Variants in LEO1 observed in about 807,000 individuals in gnomAD.
LEO1 encodes the protein RNA polymerase-associated protein LEO1.
A neutral mutation model predicts 80.4 loss-of-function variants in LEO1; 34 were observed. The observed-to-expected ratio is 0.42, with a 90% CI of 0.32 to 0.56. LEO1 has a LOEUF of 0.56. Among genes scored for constraint, LEO1 ranks in the 20% least tolerant of loss-of-function variants. The pLI is 0.10. For synonymous variants in LEO1, 262 were observed against 274.9 expected, an observed-to-expected ratio of 0.95 and a Z score of 0.46; for missense variants, 631 against 814.2, an observed-to-expected ratio of 0.77 and a Z score of 2.74.
At chr15:51,940,833 C>T (rs1404931999) in intron 11 of LEO1, among the ~76,000 whole-genome samples, 1 of 151,846 alleles carries the variant, frequency 6.6e-6, no homozygotes, top group Non-Finnish European at 1.5e-5. Context: ...TGTGGTGGCT[C>T]GTGCCTATAA....
At chr15:51,956,666 GC>G (rs915101748) in intron 6 of LEO1, among the ~76,000 whole-genome samples, 76 of 152,162 alleles carry the variant, frequency 5.0e-4, no homozygotes, top group African/African-American at 1.8e-3. Flanking sequence ...ACTACACCAT[GC>G]TTTAAGACTG....
At chr15:51,964,543 G>A (rs1395031531) in intron 2 of LEO1, among the ~76,000 whole-genome samples, 1 of 118,754 alleles carries the variant, frequency 8.4e-6, no homozygotes, top group African/African-American at 3.2e-5. Flanking sequence ...AGAACTTAAA[G>A]TGTTAAAAAA....
chr15:51,949,905 G>A lies in LEO1; in HGVS notation c.1701C>T (p.Ala567=), dbSNP rs1438893603. The A allele has an allele frequency of 6.2e-7, 1 of 1,613,934 alleles. No individual in the cohort carries two copies. The highest frequency in any genetic ancestry group is 8.5e-7 in the Non-Finnish European group (1 of 1,180,038). ...CGTATCGATCAGGTTCCAGGTAACT[G>A]GCGCTCAGCCCCCGCTGGTGCTGTT... ...REKQHQRGLS[A]SYLEPDRYDE... is the part of the protein sequence containing the mutation. The change falls in exon 10 of 12, where the codon GCC becomes GCT. Residue 567 remains alanine (A), a synonymous_variant. Coordinates refer to ENST00000299601, the MANE Select transcript of LEO1 (RefSeq NM_138792.4).
At position 51,949,853 on chromosome 15, in the gene LEO1, T is replaced by C. The variant is rs144208910; in HGVS notation, c.1753A>G (p.Ile585Val). Reference protein sequence around the residue: ...YDEEEEGEESISLAAIKNRYK... With the variant: ...YDEEEEGEESVSLAAIKNRYK... Reference sequence around the variant, plus strand: ...CGGTTTTTAATGGCAGCCAAGCTGATGGACTCCTCGCCTTCCTCCTCCTCA... The same window carrying C: ...CGGTTTTTAATGGCAGCCAAGCTGACGGACTCCTCGCCTTCCTCCTCCTCA... The change falls in exon 10 of 12, where the codon ATC (isoleucine) becomes GTC (valine). Residue 585 changes from isoleucine to valine, a missense_variant. Ile to Val is a conservative substitution (Grantham distance 29). Transcript: ENST00000299601. 4 of 1,613,920 alleles carry C rather than the reference T, an allele frequency of 2.5e-6. No homozygotes were observed. The highest frequency in any genetic ancestry group is 1.3e-5 in the African/African-American group (1 of 74,928).
chr15:51,944,332 A>C (rs1299849204), intron 11 of LEO1, among the ~76,000 whole-genome samples: 1 of 152,190 alleles, frequency 6.6e-6, no homozygotes, highest in Non-Finnish European at 1.5e-5. Context: ...CACCATTAGA[A>C]AGCTCATTTT....
intron 1 of LEO1, among the ~76,000 whole-genome samples, chr15:51,969,838 T>TAAA (rs58342384): frequency 0.014 from 1,253 of 89,962 alleles, 26 homozygotes; most frequent in East Asian, 0.068. Flanking sequence ...GAGACTCCGT[T>TAAA]AAAAAAAAAA....
Position 51,971,185 on chromosome 15 carries a change from A to G in LEO1, c.58+503T>C, listed in dbSNP as rs1429746292. On this transcript the variant is annotated intron_variant, in intron 1 of 11. Transcript: ENST00000299601. The stretch of plus-strand genomic sequence containing the variant: ...ATGTGAAACATCTATCTGTAACCCC[A>G]TCCCATTATCCGTCCCAGACTCGTC... Among the ~76,000 whole-genome samples the G allele has an allele frequency of 5.9e-5, 9 of 152,138 alleles. No homozygotes were observed. The East Asian group carries it at 1.5e-3, about 26-fold the overall frequency.
intron 5 of LEO1, among the ~76,000 whole-genome samples, chr15:51,959,383 T>C (rs895131121): frequency 1.3e-5 from 2 of 152,214 alleles, no homozygotes; most frequent in Non-Finnish European, 2.9e-5. Context: ...ATTCAAAATA[T>C]CCTTTCTTCT....
chr15:51,961,352 AGGT>A (rs367548538), intron 3 of LEO1, among the ~76,000 whole-genome samples: 6,473 of 139,894 alleles, frequency 0.046, 308 homozygotes, highest in African/African-American at 0.11. Context: ...TTATAATACC[AGGT>A]GGTGGTGGTG....
chr15:51,966,397 G>A lies in LEO1; in HGVS notation c.166C>T (p.Pro56Ser). 6.2e-7 allele frequency: 1 copy of A among 1,614,082 alleles called. No homozygotes were observed. Among genetic ancestry groups the A allele is most frequent in the Non-Finnish European group, 8.5e-7 (1 of 1,179,972 alleles). ...TCTCCAAACAGTTCCTTATTACTTGGTTGTCCTGAATCACCTCTTTCATCC... is the reference window on the plus strand; with the variant it reads ...TCTCCAAACAGTTCCTTATTACTTGATTGTCCTGAATCACCTCTTTCATCC... ...DQDERGDSGQ[P>S]SNKELFGDDS... Residue 56 changes from proline (P) to serine (S), a missense_variant, in exon 2 of 12, where the codon CCA (proline) becomes TCA (serine). Pro to Ser is a moderately conservative substitution (Grantham distance 74, BLOSUM62 -1). Around this residue, in one of 4 missense-constraint regions of LEO1, gnomAD observed 394 missense variants for 395.6 expected, o/e 1.00. Coordinates refer to ENST00000299601, the MANE Select transcript of LEO1 (RefSeq NM_138792.4).
At chr15:51,947,490 A>G in intron 10 of LEO1, 101 bp from the exon 11 acceptor site, 2 of 779,102 alleles carry the variant, frequency 2.6e-6, no homozygotes, top group Non-Finnish European at 2.1e-6. Flanking sequence ...ATCATGGCTC[A>G]CTGCAGCCTT....
At chr15:51,954,761 G>A (rs1555392915) in intron 6 of LEO1, 186 bp from the exon 7 acceptor site, 9 of 545,006 alleles carry the variant, frequency 1.7e-5, no homozygotes, top group South Asian at 4.6e-5. Flanking sequence ...TTAAAAGCAG[G>A]GAAAAAAATA....
At chr15:51,938,717 G>C (rs2056822403) in intron 11 of LEO1, among the ~76,000 whole-genome samples, 1 of 152,140 alleles carries the variant, frequency 6.6e-6, no homozygotes, top group Non-Finnish European at 1.5e-5. Flanking sequence ...GAAAATATTT[G>C]ATGACATTAA....
intron 11 of LEO1, 30 bp from the exon 12 acceptor site, chr15:51,938,290 A>AT: frequency 7.8e-7 from 1 of 1,278,428 alleles, no homozygotes. Flanking sequence ...ACAAATCTAC[A>AT]AGTCAATAAA....
chr15:51,967,714 G>A (rs1487295806), intron 1 of LEO1, among the ~76,000 whole-genome samples: 1 of 152,066 alleles, frequency 6.6e-6, no homozygotes, highest in Admixed American at 6.6e-5. Context: ...AGAAACCAAG[G>A]AATCCCAGAG....
chr15:51,941,446 C>G (rs1409779247), intron 11 of LEO1, among the ~76,000 whole-genome samples: 1 of 152,114 alleles, frequency 6.6e-6, no homozygotes, highest in Admixed American at 6.5e-5. Context: ...GAGAAAGAGA[C>G]ACAGAGGGGA....
chr15:51,951,318 G>A (rs565194492), intron 9 of LEO1, among the ~76,000 whole-genome samples: 6 of 152,354 alleles, frequency 3.9e-5, no homozygotes, highest in South Asian at 4.1e-4. Context: ...ATGCTCTATC[G>A]ATTAGGTACA....
chr15:51,960,878 C>A, intron 3 of LEO1, 145 bp from the exon 4 acceptor site: 1 of 599,308 alleles, frequency 1.7e-6, no homozygotes, highest in Non-Finnish European at 3.0e-6. Flanking sequence ...CTCTCAAAGA[C>A]CCAACCAGAG....
intron 2 of LEO1, among the ~76,000 whole-genome samples, chr15:51,964,335 G>C (rs946074904): frequency 1.3e-5 from 2 of 152,150 alleles, no homozygotes; most frequent in Non-Finnish European, 2.9e-5. Context: ...TCACTCATAG[G>C]TGGGAACTGA....
Sources: allele counts gnomAD v4.1 joint callset (sites outside exome capture counted in the v4.1 genomes callset), GRCh38; gene constraint gnomAD v4.1.1; regional missense constraint gnomAD v4.1.1; transcripts MANE v1.5; gene names NCBI Gene and HGNC (gene_info 2026-07-23, HGNC 2026-07-21).